TENM3: variants seen among roughly 807,000 people sequenced by gnomAD.
TENM3 encodes the protein teneurin transmembrane protein 3.
In TENM3, 63 loss-of-function variants were observed where a neutral mutation model predicts 255.1. The observed-to-expected ratio is 0.25, with a 90% CI of 0.20 to 0.30. TENM3 has a LOEUF of 0.30. Ranked by LOEUF, TENM3 falls within the 10% of genes least tolerant of loss-of-function variation. The probability of loss-of-function intolerance (pLI) is 1.00; values close to 1 mark genes in which losing one functional copy is unlikely to be tolerated. For missense variants in TENM3, 2,929 were observed against 3,461.1 expected (o/e 0.85, Z 3.86); for synonymous variants, 1,306 against 1,322.3 (o/e 0.99, Z 0.27).
chr4:182,585,518 C>T lies in TENM3; in HGVS notation c.512-15406C>T, dbSNP rs768581781. ...AGGGCTTTGCTCTCCTGCATTGCTC[C>T]CCTGCTGTCTGCCTCGCCTCAGCAA... On this transcript the variant is annotated intron_variant, in intron 3 of 27. Coordinates refer to ENST00000511685, the MANE Select transcript of TENM3 (RefSeq NM_001080477.4). Among the ~76,000 whole-genome samples, 9 of 152,224 alleles carry T rather than the reference C, an allele frequency of 5.9e-5. No individual in the cohort carries two copies. The South Asian group carries it at 1.9e-3, about 32-fold the overall frequency.
chr4:182,117,856 T>A, the TENM3 span, among the ~76,000 whole-genome samples: 2 of 152,176 alleles, frequency 1.3e-5, no homozygotes, highest in Admixed American at 1.3e-4. Context: ...TGCAGTTGAA[T>A]TGAATCTGTA....
At chr4:181,848,374 G>A in the TENM3 span, among the ~76,000 whole-genome samples, 1 of 152,172 alleles carries the variant, frequency 6.6e-6, no homozygotes, top group African/African-American at 2.4e-5. Context: ...TAGATTCAAA[G>A]TCCTTTAAAG....
chr4:182,634,197 G>T (rs935141301), intron 5 of TENM3, among the ~76,000 whole-genome samples: 1 of 152,142 alleles, frequency 6.6e-6, no homozygotes, highest in Admixed American at 6.5e-5. Flanking sequence ...TTGAGCACTT[G>T]AAATGTAGCT....
the TENM3 span, among the ~76,000 whole-genome samples, chr4:181,735,278 A>G: frequency 2.0e-5 from 3 of 152,146 alleles, no homozygotes; most frequent in Non-Finnish European, 2.9e-5. Context: ...CTTGTAAAAG[A>G]GTTACAAGAA....
chr4:181,807,595 C>T, the TENM3 span, among the ~76,000 whole-genome samples: 4 of 152,260 alleles, frequency 2.6e-5, no homozygotes, highest in East Asian at 1.9e-4. Flanking sequence ...TCAGGTGATC[C>T]GCCTGCCTCG....
At chr4:182,059,087 C>T in the TENM3 span, among the ~76,000 whole-genome samples, 12 of 151,840 alleles carry the variant, frequency 7.9e-5, no homozygotes, top group Non-Finnish European at 1.8e-4. Flanking sequence ...GTGAAGACAG[C>T]AGCAGGTCAT....
rs546108817 is a variant in TENM3 at position 182,351,318 on chromosome 4, A to C, written c.511+4389A>C. ...GTTTTGTGATTTAATAAATAAATAA[A>C]ATGTTTGCGTATGCATCGCTTCCCA... On this transcript the variant is annotated intron_variant, in intron 3 of 27. Transcript: ENST00000511685. Among the ~76,000 whole-genome samples the C allele has an allele frequency of 5.9e-5, 9 of 152,306 alleles. No individual in the cohort carries two copies. The South Asian group carries it at 1.2e-3, about 21-fold the overall frequency.
At chr4:182,626,522 G>T (rs1750830120) in intron 4 of TENM3, among the ~76,000 whole-genome samples, 3 of 152,024 alleles carry the variant, frequency 2.0e-5, no homozygotes, top group Admixed American at 1.3e-4. Context: ...CTGTTATTAT[G>T]CCCTTTTTAC....
chr4:181,808,644 A>C, the TENM3 span, among the ~76,000 whole-genome samples: 4 of 152,202 alleles, frequency 2.6e-5, no homozygotes, highest in Non-Finnish European at 5.9e-5. Context: ...CCTTCAATTC[A>C]TAAAGAAATT....
the TENM3 span, among the ~76,000 whole-genome samples, chr4:181,497,607 G>A: frequency 6.6e-6 from 1 of 152,156 alleles, no homozygotes; most frequent in Non-Finnish European, 1.5e-5. Context: ...AAAAATGGAG[G>A]AAGGCTGTTC....
At chr4:182,454,119 A>G (rs1340937177) in intron 3 of TENM3, among the ~76,000 whole-genome samples, 1 of 152,180 alleles carries the variant, frequency 6.6e-6, no homozygotes, top group African/African-American at 2.4e-5. Context: ...GGTTAAATGC[A>G]TTATCATCTT....
chr4:182,244,167 A>T (rs1406793698), intron 1 of TENM3, among the ~76,000 whole-genome samples: 1 of 151,300 alleles, frequency 6.6e-6, no homozygotes, highest in African/African-American at 2.4e-5. Context: ...TTTAGCCGGG[A>T]TGGTCTCGAT....
chr4:182,349,400 G>A (rs768005534), intron 3 of TENM3, among the ~76,000 whole-genome samples: 4 of 152,088 alleles, frequency 2.6e-5, no homozygotes, highest in South Asian at 2.1e-4. Context: ...AAATTTCAGC[G>A]ATTACTTAGA....
At chr4:182,623,833 C>T (rs1025220263) in intron 4 of TENM3, among the ~76,000 whole-genome samples, 1 of 151,952 alleles carries the variant, frequency 6.6e-6, no homozygotes, top group African/African-American at 2.4e-5. Flanking sequence ...CGTTCCTATC[C>T]GCGAGACCCC....
intron 12 of TENM3, among the ~76,000 whole-genome samples, chr4:182,696,922 T>G (rs184087319): frequency 1.3e-5 from 2 of 152,236 alleles, no homozygotes; most frequent in African/African-American, 4.8e-5. Flanking sequence ...TCCCCCTGGT[T>G]CCAGCTCTGT....
chr4:182,111,174 T>C, the TENM3 span, among the ~76,000 whole-genome samples: 1 of 145,946 alleles, frequency 6.9e-6, no homozygotes, highest in African/African-American at 2.5e-5. Context: ...TATCCGGATA[T>C]ACAAGTCTTC....
chr4:181,493,091 G>T, the TENM3 span, among the ~76,000 whole-genome samples: 7 of 151,868 alleles, frequency 4.6e-5, no homozygotes, highest in Admixed American at 4.6e-4. Context: ...TTGGTCTAAA[G>T]GTGTGCAGGG....
chr4:182,747,540 G>A (rs912134894), intron 19 of TENM3, among the ~76,000 whole-genome samples: 3 of 152,140 alleles, frequency 2.0e-5, no homozygotes, highest in Non-Finnish European at 1.5e-5. Flanking sequence ...GTATTAGTTT[G>A]CTAAGGAACC....
chr4:181,521,328 C>T, the TENM3 span, among the ~76,000 whole-genome samples: 3 of 152,322 alleles, frequency 2.0e-5, no homozygotes, highest in South Asian at 2.1e-4. Flanking sequence ...AAAAATAACT[C>T]TTACCGATGC....
Sources: allele counts gnomAD v4.1 joint callset (sites outside exome capture counted in the v4.1 genomes callset), GRCh38; gene constraint gnomAD v4.1.1; transcripts MANE v1.5; gene names NCBI Gene and HGNC (gene_info 2026-07-23, HGNC 2026-07-21).